VDR: variants seen among roughly 807,000 people sequenced by gnomAD.
VDR encodes vitamin D receptor, also known as vitamin D3 receptor.
A neutral mutation model predicts 39.7 loss-of-function variants in VDR; 19 were observed. That is an observed-to-expected ratio of 0.48 (90% CI 0.33 to 0.70). The LOEUF (loss-of-function observed/expected upper bound fraction) is 0.70, where lower values mean the gene tolerates loss of function less well. VDR is among the 30% of genes least tolerant of loss of function. The probability of loss-of-function intolerance (pLI) is 0.02; values close to 1 mark genes in which losing one functional copy is unlikely to be tolerated. For missense variants in VDR, 442 were observed against 570.5 expected, an observed-to-expected ratio of 0.77 and a Z score of 2.29; for synonymous variants, 242 against 215.8, an observed-to-expected ratio of 1.12 and a Z score of -1.07.
chr12:47,896,242 A>G (rs967112634), intron 1 of VDR, among the ~76,000 whole-genome samples: 12 of 152,264 alleles, frequency 7.9e-5, no homozygotes, highest in Non-Finnish European at 1.5e-5. Context: ...TATTGCGCAC[A>G]ATTACTGCAA....
intron 3 of VDR, 46 bp from the exon 4 acceptor site, chr12:47,865,223 C>A (rs1307857658): frequency 5.6e-6 from 9 of 1,602,512 alleles, no homozygotes; most frequent in Non-Finnish European, 7.7e-6. Flanking sequence ...GAACTTCCGG[C>A]TCCTCACCCT....
intron 4 of VDR, among the ~76,000 whole-genome samples, chr12:47,859,070 CTACCAGG>C (rs1275592859): frequency 6.6e-6 from 1 of 152,190 alleles, no homozygotes; most frequent in Non-Finnish European, 1.5e-5. Context: ...TGCACAGACC[CTACCAGG>C]TCAGGCAGGG....
At position 47,884,329 on chromosome 12, in the gene VDR, A is replaced by G. The variant is rs527278460; in HGVS notation, c.-83-1555T>C. 2.6e-5 allele frequency among the ~76,000 whole-genome samples: 4 copies of G among 152,276 alleles called. No individual in the cohort carries two copies. The South Asian group carries it at 8.3e-4, about 32-fold the overall frequency. ...CATTATTTCATTTAGCCCTCACAAC[A>G]GTTCTGTGAGGCAGGGAGCAGTCCT... On this transcript the variant is annotated intron_variant, in intron 1 of 9. Transcript: ENST00000549336.
At position 47,856,622 on chromosome 12, in the gene VDR, T is replaced by TAA. The variant is rs61388360; in HGVS notation, c.583+505_583+506dup. Among the ~76,000 whole-genome samples the TAA allele has an allele frequency of 9.5e-4, 120 of 126,176 alleles. 1 individual carries two copies. Among genetic ancestry groups the TAA allele is most frequent in the South Asian group, 4.1e-3 (17 of 4,102 alleles). The allele number at this position is 126,176 out of a possible 152,430, so 82.8% of individuals were successfully genotyped here. On this transcript the variant is annotated intron_variant, in intron 6 of 9. Transcript: ENST00000549336. ...TCTAAATATACATATGTGTTTTTTT[T>TAA]AAAAAAAAAAAAAAAAAGAAAGGAA...
Position 47,841,889 on chromosome 12 carries a change from C to G in VDR, c.*2857G>C, listed in dbSNP as rs557131664. 6 of 152,394 alleles carry G rather than the reference C, an allele frequency of 3.9e-5. No homozygotes were observed. The South Asian group carries it at 1.2e-3, about 32-fold the overall frequency. 9.4% of individuals were successfully genotyped at this position (152,394 alleles called of 1,614,324 possible). ...CTTCTCCTTCAGTTATAATGATATA[C>G]CTTAAAAGTTTTACATTTACAAATG... On this transcript the variant is annotated 3_prime_UTR_variant, in exon 10 of 10. Transcript: ENST00000549336.
intron 7 of VDR, among the ~76,000 whole-genome samples, chr12:47,847,089 C>T (rs11574104): frequency 2.3e-4 from 35 of 152,238 alleles, no homozygotes; most frequent in Non-Finnish European, 3.5e-4. Flanking sequence ...GCACAGGAAA[C>T]GGAGCCCAGG....
rs534504793 is a variant in VDR, at chr12:47,900,004, A to T, written c.-84+4951T>A. The T allele has an allele frequency of 3.3e-5, 32 of 967,416 alleles. No homozygotes were observed. The Admixed American group carries it at 5.5e-4, about 17-fold the overall frequency. The allele number at this position is 967,416 out of a possible 1,614,324, so 59.9% of individuals were successfully genotyped here. The stretch of plus-strand genomic sequence containing the variant: ...GGGAAAAGGTAGGCAAAGTGAGAAT[A>T]GCTCCCCATTGGCCAATGGGACAAT... On this transcript the variant is annotated intron_variant, in intron 1 of 9. Coordinates refer to ENST00000549336, the MANE Select transcript of VDR (RefSeq NM_000376.3).
intron 1 of VDR, among the ~76,000 whole-genome samples, chr12:47,888,295 A>G (rs1946299544): frequency 6.6e-6 from 1 of 152,112 alleles, no homozygotes; most frequent in Non-Finnish European, 1.5e-5. Flanking sequence ...ATACAATTCA[A>G]GTTGAGATTC....
At chr12:47,854,318 G>A (rs1250403222) in intron 7 of VDR, among the ~76,000 whole-genome samples, 1 of 151,816 alleles carries the variant, frequency 6.6e-6, no homozygotes, top group Non-Finnish European at 1.5e-5. Flanking sequence ...GTAGAGAAGA[G>A]GTCTCACTAT....
intron 3 of VDR, among the ~76,000 whole-genome samples, chr12:47,869,637 G>A (rs1228012213): frequency 6.6e-6 from 1 of 151,876 alleles, no homozygotes; most frequent in Non-Finnish European, 1.5e-5. Flanking sequence ...GAGCACGCCT[G>A]TAAGCCCAGC....
chr12:47,882,331 TCCAAGC>T (rs1473821693), intron 2 of VDR, among the ~76,000 whole-genome samples: 1 of 152,102 alleles, frequency 6.6e-6, no homozygotes, highest in African/African-American at 2.4e-5. Context: ...TGTGGAGATG[TCCAAGC>T]CTCTGTGGCT....
At chr12:47,873,346 G>GTTTTTTTTTT (rs1945924855) in intron 3 of VDR, among the ~76,000 whole-genome samples, 1 of 80,536 alleles carries the variant, frequency 1.2e-5, no homozygotes, top group African/African-American at 4.9e-5. Flanking sequence ...AATTAAACCT[G>GTTTTTTTTTT]TTTTCTTTTT....
At chr12:47,845,286 G>A (rs1428146834) in intron 9 of VDR, among the ~76,000 whole-genome samples, 5 of 151,700 alleles carry the variant, frequency 3.3e-5, no homozygotes, top group Non-Finnish European at 5.9e-5. Flanking sequence ...TCAGCGTCCC[G>A]ATGCGCCATG....
At chr12:47,854,569 G>T (rs1040929874) in intron 7 of VDR, among the ~76,000 whole-genome samples, 1 of 152,240 alleles carries the variant, frequency 6.6e-6, no homozygotes, top group Non-Finnish European at 1.5e-5. Context: ...TGCTCTCAGA[G>T]TTGGGGTGTG....
chr12:47,878,159 A>C (rs1946045630), intron 3 of VDR, among the ~76,000 whole-genome samples: 1 of 152,230 alleles, frequency 6.6e-6, no homozygotes, highest in Non-Finnish European at 1.5e-5. Context: ...AGCCACCTCC[A>C]GTCTAGACCG....
chr12:47,846,695 T>C lies in VDR; in HGVS notation c.869A>G (p.Asn290Ser), dbSNP rs776564196. ...ACTGACGCGGTACTTGTAGTCTTGG[T>C]TGCCACAGGTCCAGGACATGTCGTC... Reference protein sequence around the residue: ...TMDDMSWTCGNQDYKYRVSDV... With the variant: ...TMDDMSWTCGSQDYKYRVSDV... Residue 290 changes from asparagine (N) to serine (S), a missense_variant, in exon 8 of 10, where the codon AAC becomes AGC. Asn to Ser is a conservative substitution (Grantham distance 46, BLOSUM62 1). Transcript: ENST00000549336. 6.2e-7 allele frequency: 1 copy of C among 1,614,110 alleles called. No individual in the cohort carries two copies. Among genetic ancestry groups the C allele is most frequent in the Non-Finnish European group, 8.5e-7 (1 of 1,180,038 alleles).
intron 7 of VDR, among the ~76,000 whole-genome samples, chr12:47,854,943 A>G (rs954894596): frequency 2.6e-5 from 4 of 152,262 alleles, no homozygotes; most frequent in Non-Finnish European, 4.4e-5. Flanking sequence ...CCGTAATCCC[A>G]GCACTTTGGG....
intron 4 of VDR, among the ~76,000 whole-genome samples, chr12:47,858,769 C>T (rs1945549348): frequency 6.6e-6 from 1 of 152,262 alleles, no homozygotes; most frequent in South Asian, 2.1e-4. Flanking sequence ...TGGGGAGTTT[C>T]ACAAGAGCAG....
At position 47,857,181 on chromosome 12, in the gene VDR, G is replaced by C. The variant is rs780041888; in HGVS notation, c.531C>G (p.Ser177Arg). 3 of 1,614,054 alleles carry C rather than the reference G, an allele frequency of 1.9e-6. No homozygotes were observed. The East Asian group carries it at 6.7e-5, about 36-fold the overall frequency. ...PSRPNSRHTPSFSGDSSSSCS... is the reference protein window; with the variant it reads ...PSRPNSRHTPRFSGDSSSSCS... ...AGGAGGAGGAGGAGTCCCCAGAGAA[G>C]CTGGGAGTGTGTCTGGAGTTGGGCC... The change falls in exon 6 of 10, where the codon AGC (serine) becomes AGG (arginine). Residue 177 changes from serine (S) to arginine (R), a missense_variant. Transcript: ENST00000549336.
Sources: allele counts gnomAD v4.1 joint callset (sites outside exome capture counted in the v4.1 genomes callset), GRCh38; gene constraint gnomAD v4.1.1; transcripts MANE v1.5; gene names NCBI Gene and HGNC (gene_info 2026-07-23, HGNC 2026-07-21).